Variants in DPYD observed in about 807,000 individuals in gnomAD.
The protein encoded by DPYD is dihydropyrimidine dehydrogenase [NADP(+)].
A neutral mutation model predicts 116.2 loss-of-function variants in DPYD; 109 were observed. That is an observed-to-expected ratio of 0.94 (90% confidence interval 0.80 to 1.10). The LOEUF (loss-of-function observed/expected upper bound fraction) is 1.10. Among genes scored for constraint, DPYD ranks in the 50% least tolerant of loss-of-function variants. DPYD has a pLI of 0.00. For missense variants in DPYD, 1,302 were observed against 1,254.5 expected (o/e 1.04, Z -0.57); for synonymous variants, 440 against 432.0 (o/e 1.02, Z -0.23).
intron 16 of DPYD, among the ~76,000 whole-genome samples, chr1:97,342,590 T>C (rs183240087): frequency 2.6e-5 from 4 of 152,280 alleles, no homozygotes; most frequent in East Asian, 1.9e-4. Flanking sequence ...ATCAAAGTCA[T>C]GTATGGAAAC....
chr1:97,165,432 T>G (rs768215738), intron 20 of DPYD, among the ~76,000 whole-genome samples: 3 of 151,954 alleles, frequency 2.0e-5, no homozygotes, highest in African/African-American at 4.8e-5. Context: ...CAACTTAAGA[T>G]GGATTGAAGA....
intron 21 of DPYD, among the ~76,000 whole-genome samples, chr1:97,095,129 TC>T (rs1263656419): frequency 1.8e-4 from 27 of 152,208 alleles, no homozygotes; most frequent in Non-Finnish European, 2.9e-5. Flanking sequence ...TTAGAAGTTT[TC>T]ATTTATAAAG....
intron 8 of DPYD, among the ~76,000 whole-genome samples, chr1:97,615,883 C>T (rs532383391): frequency 4.6e-5 from 7 of 152,112 alleles, no homozygotes; most frequent in Non-Finnish European, 7.4e-5. Flanking sequence ...CTGAATACAA[C>T]ATTCCCCTTC....
At chr1:97,136,682 C>T (rs574655565) in intron 20 of DPYD, among the ~76,000 whole-genome samples, 4 of 152,204 alleles carry the variant, frequency 2.6e-5, no homozygotes, top group East Asian at 1.9e-4. Flanking sequence ...GGGAGAATCA[C>T]GTATTTGGAT....
At chr1:97,362,403 A>G (rs753864580) in intron 16 of DPYD, among the ~76,000 whole-genome samples, 5 of 152,336 alleles carry the variant, frequency 3.3e-5, no homozygotes, top group South Asian at 2.1e-4. Flanking sequence ...AATCAATGCC[A>G]TCCCCATCAA....
intron 8 of DPYD, among the ~76,000 whole-genome samples, chr1:97,600,520 G>T (rs965355995): frequency 1.3e-5 from 2 of 152,146 alleles, no homozygotes; most frequent in African/African-American, 4.8e-5. Context: ...TTTGTAAACA[G>T]TATACTGGAT....
intron 2 of DPYD, among the ~76,000 whole-genome samples, chr1:97,860,713 T>C (rs1671070331): frequency 6.6e-6 from 1 of 151,752 alleles, no homozygotes; most frequent in African/African-American, 2.4e-5. Context: ...TAACAGAAAA[T>C]GGCTAAAACT....
chr1:97,744,033 A>T (rs1037821928), intron 3 of DPYD, among the ~76,000 whole-genome samples: 6 of 152,070 alleles, frequency 3.9e-5, no homozygotes, highest in Non-Finnish European at 7.4e-5. Flanking sequence ...TTCATATTTA[A>T]TACAAAGCAT....
intron 13 of DPYD, among the ~76,000 whole-genome samples, chr1:97,474,915 T>C (rs1047449227): frequency 6.6e-6 from 1 of 152,058 alleles, no homozygotes; most frequent in Admixed American, 6.6e-5. Context: ...CTTTTATCTA[T>C]AAAAATTATA....
chr1:97,235,373 T>G (rs1570729528), intron 18 of DPYD, among the ~76,000 whole-genome samples: 1 of 152,162 alleles, frequency 6.6e-6, no homozygotes, highest in Admixed American at 6.5e-5. Flanking sequence ...ATCCTAGCAC[T>G]TTGGGAGGCC....
intron 18 of DPYD, among the ~76,000 whole-genome samples, chr1:97,290,004 A>C (rs1448920556): frequency 2.0e-5 from 3 of 152,212 alleles, no homozygotes. Flanking sequence ...AGGATACAAA[A>C]TCAATGTACA....
chr1:97,450,920 G>C (rs1220334514), intron 13 of DPYD, among the ~76,000 whole-genome samples: 1 of 152,020 alleles, frequency 6.6e-6, no homozygotes, highest in African/African-American at 2.4e-5. Context: ...TGCTTCTAAA[G>C]CTGTATTAAC....
intron 18 of DPYD, among the ~76,000 whole-genome samples, chr1:97,253,757 T>C (rs1185527996): frequency 6.6e-6 from 1 of 152,138 alleles, no homozygotes; most frequent in Admixed American, 6.6e-5. Flanking sequence ...TTTCAACTTT[T>C]CTGTAAGTCT....
chr1:97,721,803 CA>C lies in DPYD; in HGVS notation c.322-133del. On this transcript the variant is annotated intron_variant, in intron 4 of 22. Transcript: ENST00000370192. ...TGATGTGTATAAGATGCATAGGTTT[CA>C]ATACTACTATCAGGAACCATCAATT... The C allele has an allele frequency of 3.7e-6, 3 of 811,156 alleles. No homozygotes were observed. In the South Asian group the frequency reaches 5.2e-5, roughly 14 times the overall value. The allele number at this position is 811,156 out of a possible 1,614,324, so 50.2% of individuals were successfully genotyped here.
Position 97,376,887 on chromosome 1 carries a change from G to GTGTGTGTGTGTGTGTATATATATA in DPYD, c.1975-3244_1975-3243insTATATATATACACACACACACACA. Among the ~76,000 whole-genome samples the GTGTGTGTGTGTGTGTATATATATA allele has an allele frequency of 8.4e-4, 108 of 128,448 alleles. 2 individuals carry two copies. Among genetic ancestry groups the GTGTGTGTGTGTGTGTATATATATA allele is most frequent in the African/African-American group, 2.9e-3 (103 of 35,080 alleles). 84.3% of individuals were successfully genotyped at this position (128,448 alleles called of 152,430 possible). On this transcript the variant is annotated intron_variant, in intron 15 of 22. Transcript: ENST00000370192. ...AGTTTGTGTGTGTGTGTGTGTGTGT[G>GTGTGTGTGTGTGTGTATATATATA]TATATATATATATATGGTGTGGACT...
At chr1:97,407,957 T>C (rs1220420143) in intron 14 of DPYD, among the ~76,000 whole-genome samples, 1 of 152,138 alleles carries the variant, frequency 6.6e-6, no homozygotes, top group East Asian at 1.9e-4. Flanking sequence ...AAAGGAGTTA[T>C]AGTGTTGGCT....
chr1:97,514,812 A>G (rs916759891), intron 13 of DPYD, among the ~76,000 whole-genome samples: 2 of 151,896 alleles, frequency 1.3e-5, no homozygotes, highest in Non-Finnish European at 2.9e-5. Context: ...TTAATGTTTT[A>G]GCCATAATAA....
intron 16 of DPYD, among the ~76,000 whole-genome samples, chr1:97,350,700 A>G (rs1670093236): frequency 6.6e-6 from 1 of 152,186 alleles, no homozygotes; most frequent in South Asian, 2.1e-4. Context: ...AAAATTTAAA[A>G]ACATCTGACA....
At chr1:97,625,578 A>C (rs1004849143) in intron 8 of DPYD, among the ~76,000 whole-genome samples, 1 of 152,000 alleles carries the variant, frequency 6.6e-6, no homozygotes, top group African/African-American at 2.4e-5. Context: ...AATTATGGTC[A>C]TTAGTTAGAG....
Sources: allele counts gnomAD v4.1 joint callset (sites outside exome capture counted in the v4.1 genomes callset), GRCh38; gene constraint gnomAD v4.1.1; transcripts MANE v1.5; gene names NCBI Gene and HGNC (gene_info 2026-07-23, HGNC 2026-07-21).